The following SLC67A1 variants were observed in gnomAD, a reference collection of about 807,000 sequenced individuals.
SLC67A1 encodes solute carrier family 67 member 1, also known as solute carrier family 67 member A1.
At chr11:2,923,331 A>ACCAAGG in the SLC67A1 span, among the ~76,000 whole-genome samples, 94 of 147,884 alleles carry the variant, frequency 6.4e-4, no homozygotes, top group African/African-American at 2.2e-3. The surrounding 1 kb of genome is among the most constrained non-coding windows in gnomAD (Gnocchi z 6.5). Flanking sequence ...GAGGCAGCAG[A>ACCAAGG]TCCAGAAACT....
chr11:2,919,206 G>C, the SLC67A1 span: 1 of 808,496 alleles, frequency 1.2e-6, no homozygotes, highest in Non-Finnish European at 2.1e-6. Context: ...ACCAGCCAGG[G>C]CCCAGACACC....
At chr11:2,903,686 C>A in the SLC67A1 span, 3 of 627,012 alleles carry the variant, frequency 4.8e-6, no homozygotes, top group South Asian at 5.9e-5. Flanking sequence ...ACATCCTGTG[C>A]TCCAGCTTCA....
the SLC67A1 span, among the ~76,000 whole-genome samples, chr11:2,906,431 G>T: frequency 6.6e-6 from 1 of 152,174 alleles, no homozygotes; most frequent in African/African-American, 2.4e-5. Context: ...TATGTTTATC[G>T]CGGCACTACC....
the SLC67A1 span, among the ~76,000 whole-genome samples, chr11:2,908,846 G>C: frequency 7.2e-5 from 11 of 152,290 alleles, no homozygotes; most frequent in African/African-American, 2.6e-4. Flanking sequence ...GAACAGAAGG[G>C]AGAAAGGCGC....
chr11:2,906,669 A>T, the SLC67A1 span, among the ~76,000 whole-genome samples: 5 of 146,486 alleles, frequency 3.4e-5, no homozygotes, highest in Non-Finnish European at 7.4e-5. Context: ...GAACAATGAG[A>T]ACACCTGGAC....
At chr11:2,909,344 C>A in the SLC67A1 span, 4 of 1,504,066 alleles carry the variant, frequency 2.7e-6, no homozygotes, top group Non-Finnish European at 3.5e-6. Flanking sequence ...AGCGCTCATG[C>A]ACACGCTGCC....
the SLC67A1 span, among the ~76,000 whole-genome samples, chr11:2,915,433 G>A: frequency 1.1e-4 from 17 of 152,292 alleles, no homozygotes; most frequent in Non-Finnish European, 1.8e-4. Context: ...CTGGGTGCCT[G>A]TGCCCTGAGG....
At chr11:2,916,885 C>T in the SLC67A1 span, 11 of 678,806 alleles carry the variant, frequency 1.6e-5, no homozygotes, top group Admixed American at 2.1e-4. Context: ...TGAACCCTTC[C>T]CAGCTGCTGA....
the SLC67A1 span, chr11:2,921,325 G>T: frequency 6.6e-6 from 1 of 152,288 alleles, no homozygotes. Flanking sequence ...GGTTCCGGTT[G>T]GAAGCAGTTT....
chr11:2,909,096 C>T, the SLC67A1 span: 13 of 1,223,028 alleles, frequency 1.1e-5, no homozygotes, highest in African/African-American at 2.1e-4. Flanking sequence ...CCATCCCGCA[C>T]TCCAGCCTCC....
the SLC67A1 span, chr11:2,922,170 C>G: frequency 1.2e-6 from 2 of 1,613,610 alleles, no homozygotes; most frequent in Admixed American, 1.7e-5. Context: ...TCCGGGCCAG[C>G]GTGCTGGTCT....
At chr11:2,913,317 C>T in the SLC67A1 span, among the ~76,000 whole-genome samples, 1,151 of 152,244 alleles carry the variant, frequency 7.6e-3, 13 homozygotes, top group African/African-American at 0.027. Context: ...TGGTTCTGGC[C>T]CCGCTGTCCC....
chr11:2,911,507 G>A, the SLC67A1 span, among the ~76,000 whole-genome samples: 1 of 152,058 alleles, frequency 6.6e-6, no homozygotes, highest in East Asian at 1.9e-4. Context: ...GTGAGGAAGG[G>A]CGTGAGGAGG....
the SLC67A1 span, chr11:2,903,132 C>A: frequency 8.4e-7 from 1 of 1,188,666 alleles, no homozygotes; most frequent in Non-Finnish European, 1.1e-6. Context: ...AGGAGGGGGA[C>A]CCCCTGATGT....
the SLC67A1 span, chr11:2,902,853 G>A: frequency 1.6e-6 from 1 of 640,386 alleles, no homozygotes; most frequent in Non-Finnish European, 2.0e-6. Context: ...GCACTGTGTT[G>A]GGGACAGGGC....
chr11:2,911,629 C>T, the SLC67A1 span, among the ~76,000 whole-genome samples: 183 of 152,252 alleles, frequency 1.2e-3, 2 homozygotes, highest in East Asian at 0.03. Context: ...CGCCTGCTGC[C>T]GCCTCCTTCC....
the SLC67A1 span, chr11:2,902,807 C>A: frequency 1.1e-6 from 1 of 919,360 alleles, no homozygotes; most frequent in Non-Finnish European, 1.3e-6. Context: ...GCTCTGGCTG[C>A]TGGCCACAGG....
the SLC67A1 span, chr11:2,903,426 G>T: frequency 1.9e-6 from 3 of 1,613,036 alleles, no homozygotes; most frequent in Admixed American, 5.0e-5. Context: ...CGGTCATCTT[G>T]CTTACCTACG....
At chr11:2,919,378 C>T in the SLC67A1 span, 1 of 1,613,850 alleles carries the variant, frequency 6.2e-7, no homozygotes, top group Non-Finnish European at 8.5e-7. Context: ...AGCTGGCTAC[C>T]TCATGTCCTT....
Sources: gnomAD v4.1 joint callset for allele counts (sites outside exome capture counted in the v4.1 genomes callset) on GRCh38, gnomAD v4.1.1 for gene constraint, Gnocchi (gnomAD v3.1) non-coding constraint, MANE v1.5 for transcripts, NCBI Gene and HGNC (gene_info 2026-07-23, HGNC 2026-07-21) for gene names.